Variants in FOXP2 observed in about 807,000 individuals in gnomAD.
FOXP2 encodes forkhead box protein P2.
Under a neutral mutation model 115.8 loss-of-function variants are expected in FOXP2, and 12 were observed. The observed-to-expected ratio is 0.10, with a 90% CI of 0.07 to 0.17. FOXP2 has a LOEUF of 0.17. Among genes scored for constraint, FOXP2 ranks in the 10% least tolerant of loss-of-function variants. FOXP2 has a pLI of 1.00. For missense variants in FOXP2, 629 were observed against 843.5 expected, an observed-to-expected ratio of 0.75 and a Z score of 3.15; for synonymous variants, 328 against 297.7, an observed-to-expected ratio of 1.10 and a Z score of -1.05.
intron 1 of FOXP2, among the ~76,000 whole-genome samples, chr7:114,225,890 A>C (rs1794734237): frequency 6.6e-6 from 1 of 152,188 alleles, no homozygotes; most frequent in Non-Finnish European, 1.5e-5. Flanking sequence ...TGTCTACCAA[A>C]AAACTTTACA....
intron 1 of FOXP2, among the ~76,000 whole-genome samples, chr7:114,275,893 G>C: frequency 6.6e-6 from 1 of 152,172 alleles, no homozygotes. Context: ...TATGACTTTT[G>C]ATTGTGAACT....
At chr7:114,471,906 G>A (rs1234161304) in intron 2 of FOXP2, among the ~76,000 whole-genome samples, 1 of 151,280 alleles carries the variant, frequency 6.6e-6, no homozygotes, top group Non-Finnish European at 1.5e-5. Context: ...ATTGCAGTGA[G>A]CTGAGATTGC....
chr7:114,693,607 A>G lies in FOXP2; in HGVS notation c.*3681A>G. 1 of 452,098 alleles carries G rather than the reference A, an allele frequency of 2.2e-6. No individual in the cohort carries two copies. Among genetic ancestry groups the G allele is most frequent in the South Asian group, 1.6e-5 (1 of 63,890 alleles). 28.0% of individuals were successfully genotyped at this position (452,098 alleles called of 1,614,324 possible). On this transcript the variant is annotated 3_prime_UTR_variant, in exon 17 of 17. Coordinates refer to ENST00000350908, the MANE Select transcript of FOXP2 (RefSeq NM_014491.4). ...TTTTTTGTCCATGAACACTTGGCAT[A>G]TCTTACTTAGCAAAAAAGAAGGATG...
intron 2 of FOXP2, among the ~76,000 whole-genome samples, chr7:114,386,546 G>A (rs1792459095): frequency 6.6e-6 from 1 of 152,210 alleles, no homozygotes; most frequent in Non-Finnish European, 1.5e-5. Context: ...AGTGGAAGGA[G>A]CCAGGGAGCA....
intron 3 of FOXP2, among the ~76,000 whole-genome samples, chr7:114,577,662 T>G (rs977413864): frequency 6.6e-6 from 1 of 151,936 alleles, no homozygotes; most frequent in Non-Finnish European, 1.5e-5. Flanking sequence ...AGAGAGAGAT[T>G]GTGAGATATT....
At chr7:114,547,610 T>G (rs867587283) in intron 3 of FOXP2, among the ~76,000 whole-genome samples, 2 of 152,006 alleles carry the variant, frequency 1.3e-5, no homozygotes, top group Non-Finnish European at 2.9e-5. Context: ...TTACAAAAAA[T>G]TATCTGGGCG....
chr7:114,296,222 T>C (rs1364388890), intron 2 of FOXP2, among the ~76,000 whole-genome samples: 1 of 152,202 alleles, frequency 6.6e-6, no homozygotes, highest in Non-Finnish European at 1.5e-5. Context: ...GAGAGTAATA[T>C]GAATAAAAAC....
intron 1 of FOXP2, among the ~76,000 whole-genome samples, chr7:114,265,485 T>C (rs1210928032): frequency 1.3e-5 from 2 of 152,180 alleles, no homozygotes; most frequent in Non-Finnish European, 2.9e-5. Context: ...TTGCGCTTGC[T>C]CTCACAGGTT....
intron 3 of FOXP2, among the ~76,000 whole-genome samples, chr7:114,578,441 G>GA (rs947057699): frequency 1.3e-5 from 2 of 151,724 alleles, no homozygotes; most frequent in African/African-American, 4.8e-5. Flanking sequence ...TTTTACAATT[G>GA]AAAAAAAGTG....
intron 1 of FOXP2, among the ~76,000 whole-genome samples, chr7:114,099,039 G>T (rs879558356): frequency 6.6e-6 from 1 of 152,164 alleles, no homozygotes; most frequent in Non-Finnish European, 1.5e-5. Flanking sequence ...GGAGGCTGGG[G>T]TGGGAGGATC....
intron 1 of FOXP2, among the ~76,000 whole-genome samples, chr7:114,124,730 A>AC (rs994012675): frequency 6.6e-6 from 1 of 151,030 alleles, no homozygotes; most frequent in African/African-American, 2.4e-5. Flanking sequence ...CCTCTTCCCA[A>AC]CCCCCTCTCA....
At chr7:114,111,748 G>C (rs892425296) in intron 1 of FOXP2, among the ~76,000 whole-genome samples, 1 of 152,088 alleles carries the variant, frequency 6.6e-6, no homozygotes, top group South Asian at 2.1e-4. Flanking sequence ...ATCTGTAAAT[G>C]AGGGGAGTAT....
At chr7:114,308,507 T>C (rs1365905575) in intron 2 of FOXP2, among the ~76,000 whole-genome samples, 3 of 152,290 alleles carry the variant, frequency 2.0e-5, no homozygotes, top group East Asian at 3.9e-4. Flanking sequence ...ATTCAGGAGA[T>C]GGTCAAAGGC....
intron 1 of FOXP2, among the ~76,000 whole-genome samples, chr7:114,101,492 A>G (rs1236138366): frequency 1.3e-5 from 2 of 152,168 alleles, no homozygotes; most frequent in African/African-American, 4.8e-5. Context: ...TTATCTAGTA[A>G]CAGTGTCAGA....
intron 1 of FOXP2, among the ~76,000 whole-genome samples, chr7:114,243,568 T>C (rs1244328285): frequency 6.6e-6 from 1 of 152,232 alleles, no homozygotes; most frequent in Non-Finnish European, 1.5e-5. Flanking sequence ...AGGAAAGCTC[T>C]AAGACTTTAT....
intron 2 of FOXP2, among the ~76,000 whole-genome samples, chr7:114,429,553 T>C (rs1264784886): frequency 2.0e-5 from 3 of 151,574 alleles, no homozygotes; most frequent in African/African-American, 7.2e-5. Context: ...TAGAATTTTA[T>C]TTTGATATTA....
chr7:114,342,009 C>T (rs1292490010), intron 2 of FOXP2, among the ~76,000 whole-genome samples: 2 of 151,270 alleles, frequency 1.3e-5, no homozygotes, highest in Non-Finnish European at 3.0e-5. Context: ...TTTTGCACCT[C>T]GATAAAATGG....
At chr7:114,580,573 T>C (rs1563012991) in intron 3 of FOXP2, among the ~76,000 whole-genome samples, 1 of 151,850 alleles carries the variant, frequency 6.6e-6, no homozygotes, top group Non-Finnish European at 1.5e-5. Flanking sequence ...AGAGTGCGAC[T>C]CTGTCTCAAA....
At chr7:114,103,466 C>G (rs1277594132) in intron 1 of FOXP2, among the ~76,000 whole-genome samples, 1 of 151,896 alleles carries the variant, frequency 6.6e-6, no homozygotes, top group Non-Finnish European at 1.5e-5. Context: ...CTAACCTTGC[C>G]TAGTCTGTGT....
Sources: gnomAD v4.1 joint callset for allele counts (sites outside exome capture counted in the v4.1 genomes callset) on GRCh38, gnomAD v4.1.1 for gene constraint, MANE v1.5 for transcripts, NCBI Gene and HGNC (gene_info 2026-07-23, HGNC 2026-07-21) for gene names.